Variants in LIMCH1 observed in about 807,000 individuals in gnomAD.
LIMCH1 encodes LIM and calponin homology domains 1, also known as LIM and calponin homology domains-containing protein 1.
In LIMCH1, 113 loss-of-function variants were observed where a neutral mutation model predicts 176.5. That is an observed-to-expected ratio of 0.64 (90% CI 0.55 to 0.75). The LOEUF (loss-of-function observed/expected upper bound fraction) is 0.75. Ranked by LOEUF, LIMCH1 falls within the 30% of genes least tolerant of loss-of-function variation. The probability of loss-of-function intolerance (pLI) is 0.00; values close to 1 mark genes in which losing one functional copy is unlikely to be tolerated. For synonymous variants in LIMCH1, 619 were observed against 645.9 expected, an observed-to-expected ratio of 0.96 and a Z score of 0.63; for missense variants, 1,674 against 1,814.9, an observed-to-expected ratio of 0.92 and a Z score of 1.41.
intron 2 of LIMCH1, among the ~76,000 whole-genome samples, chr4:41,505,925 G>GACAAACACACACAC (rs2074096730): frequency 7.4e-6 from 1 of 134,562 alleles, no homozygotes; most frequent in Non-Finnish European, 1.6e-5. Flanking sequence ...CTGTGTTTCT[G>GACAAACACACACAC]ACACACACAC....
At chr4:41,403,503 C>T (rs1006703491) in intron 1 of LIMCH1, among the ~76,000 whole-genome samples, 4 of 152,132 alleles carry the variant, frequency 2.6e-5, no homozygotes, top group African/African-American at 9.7e-5. Context: ...ATCGCTTGAA[C>T]CCAGGAGGTG....
chr4:41,553,785 T>A (rs1175927353), intron 1 of LIMCH1, among the ~76,000 whole-genome samples: 1 of 152,164 alleles, frequency 6.6e-6, no homozygotes, highest in Non-Finnish European at 1.5e-5. Context: ...CCCTCTTGGA[T>A]CCAGGGACTG....
intron 1 of LIMCH1, among the ~76,000 whole-genome samples, chr4:41,385,605 A>G (rs1249065984): frequency 1.3e-5 from 2 of 152,246 alleles, no homozygotes; most frequent in Non-Finnish European, 2.9e-5. Flanking sequence ...AAAAATCACC[A>G]TGGCAACTCA....
At position 41,692,313 on chromosome 4, in the gene LIMCH1, C is replaced by T; in HGVS notation, c.4307C>T (p.Ala1436Val). ...CGICKGQLGD[A>V]VSGTDVRIRN... ...ATTTGTAAAGGCCAGCTTGGAGATG[C>T]AGTGAGTGGGACGGATGTTAGGATT... The change falls in exon 31 of 32, where the codon GCA (alanine) becomes GTA (valine). Residue 1436 changes from alanine to valine, a missense_variant. Transcript: ENST00000503057. 6.2e-7 allele frequency: 1 copy of T among 1,612,914 alleles called. No individual in the cohort carries two copies. Among genetic ancestry groups the T allele is most frequent in the Non-Finnish European group, 8.5e-7 (1 of 1,179,008 alleles).
intron 22 of LIMCH1, among the ~76,000 whole-genome samples, chr4:41,672,383 AAGAAT>A (rs1312824414): frequency 2.0e-5 from 3 of 152,316 alleles, no homozygotes; most frequent in Non-Finnish European, 2.9e-5. Context: ...GAAAAGAAAA[AAGAAT>A]AGAATAGAAT....
At chr4:41,366,610 G>A (rs986859977) in intron 1 of LIMCH1, among the ~76,000 whole-genome samples, 1 of 152,062 alleles carries the variant, frequency 6.6e-6, no homozygotes, top group East Asian at 1.9e-4. Flanking sequence ...AAGTGATTGA[G>A]AAATATAAAA....
In LIMCH1 at chr4:41,546,680, G is replaced by C. The variant is rs145788236; in HGVS notation, c.-241+8330G>C. Among the ~76,000 whole-genome samples the C allele has an allele frequency of 5.8e-3, 875 of 152,074 alleles. 4 individuals carry two copies. Among genetic ancestry groups the C allele is most frequent in the Non-Finnish European group, 9.7e-3 (661 of 68,004 alleles). The stretch of plus-strand genomic sequence containing the variant: ...TGTTATTCCAGGCAATGAATGTGTT[G>C]CTTCCCCTGTGATAGATTATGGCAC... On this transcript the variant is annotated intron_variant, in intron 1 of 31. Transcript: ENST00000503057.
intron 26 of LIMCH1, 53 bp downstream of exon 26, chr4:41,682,513 G>GT: frequency 8.9e-6 from 14 of 1,581,382 alleles, no homozygotes; most frequent in Non-Finnish European, 1.2e-5. Flanking sequence ...GGCTCTGCTC[G>GT]TGCACGCTCA....
In LIMCH1 at chr4:41,388,064, C is replaced by T. The variant is rs570720272; in HGVS notation, c.96+27128C>T. ...AGCGGAGGTTGCAGTGAGCTGAGAT[C>T]GTGCTACAGCACTCCAGCCTGGGCG... On this transcript the variant is annotated intron_variant, in intron 1 of 26. Transcript: ENST00000313860. Among the ~76,000 whole-genome samples, 42 of 152,312 alleles carry T rather than the reference C, an allele frequency of 2.8e-4. 2 individuals carry two copies. The highest frequency in any genetic ancestry group is 9.1e-4 in the African/African-American group (38 of 41,576).
At chr4:41,661,645 C>T (rs1585507193) in intron 19 of LIMCH1, 135 bp downstream of exon 19, 1 of 701,484 alleles carries the variant, frequency 1.4e-6, no homozygotes. Flanking sequence ...GGTTGTGCTG[C>T]CACCTAGAGG....
chr4:41,684,346 G>T, intron 26 of LIMCH1, 51 bp from the exon 27 acceptor site: 2 of 1,567,518 alleles, frequency 1.3e-6, no homozygotes, highest in South Asian at 2.4e-5. Flanking sequence ...CAAGAAGTTC[G>T]ATTCAGTTAC....
chr4:41,415,793 C>T (rs4073005), intron 1 of LIMCH1, among the ~76,000 whole-genome samples: 128,356 of 151,962 alleles, frequency 0.84, 55,316 homozygotes, highest in East Asian at 0.99. Context: ...CTGACCAACA[C>T]GGTGAAACCC....
intron 2 of LIMCH1, among the ~76,000 whole-genome samples, chr4:41,522,652 A>G (rs1387618557): frequency 6.6e-6 from 1 of 152,156 alleles, no homozygotes; most frequent in Non-Finnish European, 1.5e-5. Context: ...TGTATTTTAA[A>G]CCAGAAGATT....
chr4:41,689,850 C>T lies in LIMCH1; in HGVS notation c.4275+215C>T, dbSNP rs2153079160. 1.4e-5 allele frequency: 6 copies of T among 416,774 alleles called. No homozygotes were observed. The South Asian group carries it at 2.3e-4, about 16-fold the overall frequency. The allele number at this position is 416,774 out of a possible 1,614,324, so 25.8% of individuals were successfully genotyped here. A position where few individuals can be genotyped will look rare whatever the true frequency, so the allele number is the denominator to read the frequency against. On this transcript the variant is annotated intron_variant, in intron 30 of 31. Transcript: ENST00000503057. The stretch of plus-strand genomic sequence containing the variant: ...AAGCAGAAAGGTTTGTGCAATTTGT[C>T]CTTACAAAACAGTTTTTGTTGCTAA...
chr4:41,502,999 G>GTCCATCCATCCATCCA (rs751124176), intron 2 of LIMCH1, among the ~76,000 whole-genome samples: 5,039 of 138,330 alleles, frequency 0.036, 123 homozygotes, highest in Non-Finnish European at 0.053. Context: ...TGGTCTGTCT[G>GTCCATCCATCCATCCA]TCCATCCATC....
Position 41,662,978 on chromosome 4 carries a change from A to T in LIMCH1, c.3285A>T (p.Ser1095=). 6.2e-7 allele frequency: 1 copy of T among 1,613,726 alleles called. No individual in the cohort carries two copies. The highest frequency in any genetic ancestry group is 8.5e-7 in the Non-Finnish European group (1 of 1,179,804). Residue 1095 remains serine (S), a synonymous_variant, in exon 20 of 32, where the codon TCA becomes TCT. Coordinates refer to ENST00000503057, the MANE Select transcript of LIMCH1 (RefSeq NM_001330672.2). ...GTGGAAAGGTGGAGTTGGTGCTGTC[A>T]CAAAAGGTGAAGTGCAGAGTGGAGG... ...EMSGKVELVL[S]QKVVKPKSPE...
intron 1 of LIMCH1, among the ~76,000 whole-genome samples, chr4:41,583,859 T>C (rs917111049): frequency 2.5e-4 from 38 of 152,100 alleles, no homozygotes; most frequent in African/African-American, 8.9e-4. Flanking sequence ...ATCAGCAGAA[T>C]ATTTCAAGAG....
chr4:41,628,030 G>A (rs1489887896), intron 8 of LIMCH1, among the ~76,000 whole-genome samples: 1 of 152,174 alleles, frequency 6.6e-6, no homozygotes, highest in Non-Finnish European at 1.5e-5. Flanking sequence ...CCTGGATATA[G>A]AACAGGGATT....
At chr4:41,415,456 T>G (rs1314944399) in intron 1 of LIMCH1, among the ~76,000 whole-genome samples, 2 of 152,116 alleles carry the variant, frequency 1.3e-5, no homozygotes, top group Admixed American at 1.3e-4. Context: ...TGTATATGAT[T>G]TCCATGCTGG....
Sources: allele counts gnomAD v4.1 joint callset (sites outside exome capture counted in the v4.1 genomes callset), GRCh38; gene constraint gnomAD v4.1.1; transcripts MANE v1.5; gene names NCBI Gene and HGNC (gene_info 2026-07-23, HGNC 2026-07-21).